The following PPP3CA variants were observed in gnomAD, a reference collection of about 807,000 sequenced individuals.
PPP3CA encodes the protein protein phosphatase 3 catalytic subunit alpha, also known as CAM-PRP catalytic subunit.
A neutral mutation model predicts 66.5 loss-of-function variants in PPP3CA; 14 were observed. That is an observed-to-expected ratio of 0.21 (90% CI 0.14 to 0.33). The LOEUF is 0.33. Ranked by LOEUF, PPP3CA falls within the 10% of genes least tolerant of loss-of-function variation. The probability of loss-of-function intolerance (pLI) is 1.00; values close to 1 mark genes in which losing one functional copy is unlikely to be tolerated. For synonymous variants in PPP3CA, 232 were observed against 226.2 expected (o/e 1.03, Z -0.23); for missense variants, 317 against 639.5 (o/e 0.50, Z 5.44).
At chr4:101,125,338 C>G (rs1722212901) in intron 2 of PPP3CA, among the ~76,000 whole-genome samples, 2 of 152,230 alleles carry the variant, frequency 1.3e-5, no homozygotes, top group African/African-American at 2.4e-5. Flanking sequence ...TCACCTACTG[C>G]ACTTGCACCT....
intron 1 of PPP3CA, among the ~76,000 whole-genome samples, chr4:101,320,594 A>T (rs1729013809): frequency 6.6e-6 from 1 of 152,096 alleles, no homozygotes; most frequent in Non-Finnish European, 1.5e-5. Context: ...TTTCTTAGAA[A>T]GAAATAACCT....
rs561633168 is a variant in PPP3CA, at chr4:101,228,565, T to A, written c.59-32449A>T. On this transcript the variant is annotated intron_variant, in intron 1 of 13. Coordinates refer to ENST00000394854, the MANE Select transcript of PPP3CA (RefSeq NM_000944.5). ...GGACTCTCATTCAGTTCTTGAGAAA[T>A]CACAACAAAATATCTCCATGCATAT... Among the ~76,000 whole-genome samples the A allele has an allele frequency of 4.0e-5, 6 of 151,558 alleles. No homozygotes were observed. The South Asian group carries it at 1.2e-3, about 31-fold the overall frequency.
intron 2 of PPP3CA, among the ~76,000 whole-genome samples, chr4:101,161,827 A>AGTGTAGTTGCC (rs1723519215): frequency 1.3e-5 from 2 of 152,194 alleles, no homozygotes; most frequent in Non-Finnish European, 2.9e-5. Context: ...CTAGCATACC[A>AGTGTAGTTGCC]TAATAGGAGT....
At chr4:101,131,691 T>G (rs565353370) in intron 2 of PPP3CA, among the ~76,000 whole-genome samples, 54 of 151,998 alleles carry the variant, frequency 3.6e-4, no homozygotes, top group Non-Finnish European at 7.1e-4. Context: ...TGAGACAGAT[T>G]AATGAGACAG....
intron 1 of PPP3CA, among the ~76,000 whole-genome samples, chr4:101,330,745 C>CA (rs984353910): frequency 2.0e-5 from 3 of 151,890 alleles, no homozygotes; most frequent in African/African-American, 4.8e-5. Context: ...GCAACGTCTA[C>CA]AAAAAAAGGC....
chr4:101,252,768 G>GA (rs1726718364), intron 1 of PPP3CA, among the ~76,000 whole-genome samples: 1 of 152,130 alleles, frequency 6.6e-6, no homozygotes, highest in Non-Finnish European at 1.5e-5. Flanking sequence ...CTACTTTTGG[G>GA]CCTTGCCCTC....
chr4:101,307,313 C>T (rs1266915592), intron 1 of PPP3CA, among the ~76,000 whole-genome samples: 1 of 152,044 alleles, frequency 6.6e-6, no homozygotes, highest in Non-Finnish European at 1.5e-5. Flanking sequence ...TCCTGGTCTG[C>T]AGGAACTGAA....
Position 101,346,899 on chromosome 4 carries a change from C to A in PPP3CA, c.-103G>T. The A allele has an allele frequency of 1.4e-6, 2 of 1,394,660 alleles. No individual in the cohort carries two copies. The highest frequency in any genetic ancestry group is 2.0e-6 in the Non-Finnish European group (2 of 1,012,248). The allele number at this position is 1,394,660 out of a possible 1,614,324, so 86.4% of individuals were successfully genotyped here. A position where few individuals can be genotyped will look rare whatever the true frequency, so the allele number is the denominator to read the frequency against. Reference sequence around the variant, plus strand: ...TCAACGCCGCCGCCGCCGCCGCCGCCGCCGCGCTGCAAACCGCTCGGCTGG... The same window carrying A: ...TCAACGCCGCCGCCGCCGCCGCCGCAGCCGCGCTGCAAACCGCTCGGCTGG... On this transcript the variant is annotated 5_prime_UTR_variant, in exon 1 of 14. Coordinates refer to ENST00000394854, the MANE Select transcript of PPP3CA (RefSeq NM_000944.5).
chr4:101,205,676 C>T (rs987384058), intron 1 of PPP3CA, among the ~76,000 whole-genome samples: 10 of 152,138 alleles, frequency 6.6e-5, no homozygotes, highest in African/African-American at 2.4e-4. Flanking sequence ...CCATCCCCAT[C>T]CTCTGTGGTT....
intron 1 of PPP3CA, among the ~76,000 whole-genome samples, chr4:101,209,430 C>T (rs1725234763): frequency 6.6e-6 from 1 of 152,140 alleles, no homozygotes; most frequent in Non-Finnish European, 1.5e-5. Context: ...AATAATCAGT[C>T]ACCCAACCTC....
chr4:101,048,509 CAAAAAAAAA>C (rs59988569), intron 10 of PPP3CA, among the ~76,000 whole-genome samples: 3 of 66,334 alleles, frequency 4.5e-5, no homozygotes, highest in Admixed American at 3.7e-4. Flanking sequence ...TTTCTCTCAC[CAAAAAAAAA>C]AAAAAAAAAA....
intron 2 of PPP3CA, among the ~76,000 whole-genome samples, chr4:101,192,298 A>G (rs144494270): frequency 6.6e-6 from 1 of 152,234 alleles, no homozygotes; most frequent in East Asian, 1.9e-4. Context: ...TTGAACAAGT[A>G]TGAAAGTTTC....
At chr4:101,188,607 A>C (rs1724489432) in intron 2 of PPP3CA, among the ~76,000 whole-genome samples, 1 of 152,198 alleles carries the variant, frequency 6.6e-6, no homozygotes, top group Non-Finnish European at 1.5e-5. Context: ...ATATGTATAT[A>C]GTTTGCTACA....
intron 2 of PPP3CA, among the ~76,000 whole-genome samples, chr4:101,143,941 T>C (rs1484034447): frequency 6.6e-6 from 1 of 152,214 alleles, no homozygotes; most frequent in Admixed American, 6.5e-5. Context: ...TCTTGGATGA[T>C]GGCATCACCA....
chr4:101,117,427 G>A (rs1056698302), intron 2 of PPP3CA, among the ~76,000 whole-genome samples: 3 of 103,686 alleles, frequency 2.9e-5, no homozygotes, highest in African/African-American at 1.1e-4. Flanking sequence ...AAAGATGAGT[G>A]TTCTCACCAC....
At chr4:101,345,844 C>CA (rs1423413112) in intron 1 of PPP3CA, among the ~76,000 whole-genome samples, 1 of 152,196 alleles carries the variant, frequency 6.6e-6, no homozygotes, top group Non-Finnish European at 1.5e-5. Flanking sequence ...CAGCCCGTTA[C>CA]AAAAAGGATG....
intron 1 of PPP3CA, among the ~76,000 whole-genome samples, chr4:101,278,367 C>G (rs1440477139): frequency 6.6e-6 from 1 of 152,008 alleles, no homozygotes; most frequent in Non-Finnish European, 1.5e-5. Flanking sequence ...TCTCACTAAC[C>G]CTCAGAATTA....
intron 2 of PPP3CA, among the ~76,000 whole-genome samples, chr4:101,191,956 G>A (rs913593514): frequency 2.0e-5 from 3 of 152,178 alleles, no homozygotes; most frequent in Non-Finnish European, 4.4e-5. Context: ...TTGCCCAGCT[G>A]ATGCTGGCCT....
intron 8 of PPP3CA, among the ~76,000 whole-genome samples, chr4:101,077,777 C>T (rs1209648620): frequency 1.3e-5 from 2 of 150,806 alleles, no homozygotes; most frequent in Non-Finnish European, 2.9e-5. Flanking sequence ...GGCAAGAACA[C>T]AGTGAAAGAA....
Sources: allele counts gnomAD v4.1 joint callset (sites outside exome capture counted in the v4.1 genomes callset), GRCh38; gene constraint gnomAD v4.1.1; transcripts MANE v1.5; gene names NCBI Gene and HGNC (gene_info 2026-07-23, HGNC 2026-07-21).